Variants in GNPAT observed in about 807,000 individuals in gnomAD.
The protein encoded by GNPAT is glyceronephosphate O-acyltransferase, also known as dihydroxyacetone phosphate acyltransferase.
A neutral mutation model predicts 78.4 loss-of-function variants in GNPAT; 30 were observed. That is an observed-to-expected ratio of 0.38 (90% CI 0.29 to 0.52). The LOEUF is 0.52. GNPAT is among the 20% of genes least tolerant of loss of function. GNPAT has a pLI of 0.84. For synonymous variants in GNPAT, 271 were observed against 281.1 expected, an observed-to-expected ratio of 0.96 and a Z score of 0.36; for missense variants, 714 against 812.2, an observed-to-expected ratio of 0.88 and a Z score of 1.47.
At position 231,267,901 on chromosome 1, in the gene GNPAT, C is replaced by T; in HGVS notation, c.1277C>T (p.Pro426Leu). 6.3e-7 allele frequency: 1 copy of T among 1,576,138 alleles called. No individual in the cohort carries two copies. The highest frequency in any genetic ancestry group is 8.7e-7 in the Non-Finnish European group (1 of 1,145,384). The change falls in exon 9 of 16, where the codon CCT becomes CTT. Residue 426 changes from proline to leucine, a missense_variant and splice_region_variant. By Grantham distance (98) the Pro-to-Leu change is moderately conservative (BLOSUM62 -3). Transcript: ENST00000366647. Reference sequence around the variant, plus strand: ...GCATTTGGAGGGTTTCTCATTTGGCCTGGTATGTAGGTAGGACATATGTGT... The same window carrying T: ...GCATTTGGAGGGTTTCTCATTTGGCTTGGTATGTAGGTAGGACATATGTGT... ...TQAFGGFLIW[P>L]DNKPAEEVVP...
In GNPAT at chr1:231,276,157, G is replaced by T; in HGVS notation, c.1960G>T (p.Val654Leu). ...KKINNNCIFN[V>L]NEPATTKLEE... The stretch of plus-strand genomic sequence containing the variant: ...TAGAAATAATAACTGTATATTTAAT[G>T]TGAATGAACCTGCCACAACCAAATT... Residue 654 changes from valine (V) to leucine (L), a missense_variant, in exon 15 of 16, where the codon GTG becomes TTG. Coordinates refer to ENST00000366647, the MANE Select transcript of GNPAT (RefSeq NM_014236.4). The T allele has an allele frequency of 7.3e-7, 1 of 1,369,768 alleles. No homozygotes were observed. Among genetic ancestry groups the T allele is most frequent in the Non-Finnish European group, 1.0e-6 (1 of 959,840 alleles). The allele number at this position is 1,369,768 out of a possible 1,614,324, so 84.9% of individuals were successfully genotyped here. A position where few individuals can be genotyped will look rare whatever the true frequency, so the allele number is the denominator to read the frequency against.
intron 11 of GNPAT, among the ~76,000 whole-genome samples, chr1:231,272,755 G>A (rs1461742151): frequency 6.6e-6 from 1 of 152,146 alleles, no homozygotes; most frequent in East Asian, 1.9e-4. Context: ...CGGATCACGA[G>A]GTCAAGAGAT....
In GNPAT at chr1:231,266,136, G is replaced by A; in HGVS notation, c.895G>A (p.Gly299Arg). 1 of 1,613,124 alleles carries A rather than the reference G, an allele frequency of 6.2e-7. No homozygotes were observed. The highest frequency in any genetic ancestry group is 8.5e-7 in the Non-Finnish European group (1 of 1,179,280). Residue 299 changes from glycine (G) to arginine (R), a missense_variant, in exon 7 of 16, where the codon GGG (glycine) becomes AGG (arginine). By Grantham distance (125) the Gly-to-Arg change is moderately radical (BLOSUM62 -2). Transcript: ENST00000366647. ...AACTCTTTATGTGTATGAGCTTCTAGGGGTTCCTAAACCAAAAGAGTCTAC... is the reference window on the plus strand; with the variant it reads ...AACTCTTTATGTGTATGAGCTTCTAAGGGTTCCTAAACCAAAAGAGTCTAC... ...EETLYVYELL[G>R]VPKPKESTTG...
intron 13 of GNPAT, 26 bp from the exon 14 acceptor site, chr1:231,275,379 T>C: frequency 6.4e-7 from 1 of 1,566,486 alleles, no homozygotes; most frequent in Non-Finnish European, 8.8e-7. Flanking sequence ...ACTGGTCAAC[T>C]AACTCTTCCT....
intron 3 of GNPAT, among the ~76,000 whole-genome samples, chr1:231,261,601 G>T (rs568834008): frequency 3.3e-5 from 5 of 152,038 alleles, no homozygotes; most frequent in African/African-American, 1.2e-4. Flanking sequence ...TATAATTAAT[G>T]AATATCTTGT....
chr1:231,273,788 T>TAG, intron 11 of GNPAT, 134 bp from the exon 12 acceptor site: 2 of 725,620 alleles, frequency 2.8e-6, no homozygotes, highest in Admixed American at 2.1e-5. Context: ...GGTATTCTGT[T>TAG]GTCTGAGGGC....
intron 2 of GNPAT, among the ~76,000 whole-genome samples, chr1:231,253,987 A>G (rs942898220): frequency 1.3e-5 from 2 of 152,090 alleles, no homozygotes; most frequent in Non-Finnish European, 2.9e-5. Flanking sequence ...TAATTTTTGT[A>G]TTTTTAGTAG....
Position 231,272,903 on chromosome 1 carries a change from A to T in GNPAT, c.1602+512A>T, listed in dbSNP as rs185733846. Among the ~76,000 whole-genome samples, 248 of 152,236 alleles carry T rather than the reference A, an allele frequency of 1.6e-3. 1 individual carries two copies. Among genetic ancestry groups the T allele is most frequent in the African/African-American group, 5.7e-3 (237 of 41,540 alleles). On this transcript the variant is annotated intron_variant, in intron 11 of 15. Coordinates refer to ENST00000366647, the MANE Select transcript of GNPAT (RefSeq NM_014236.4). Reference sequence around the variant, plus strand: ...GGCAGGAGAATCACTTGAACCCGGGAGGTGGAGGTTGCTGTGAGCCAAGAT... The same window carrying T: ...GGCAGGAGAATCACTTGAACCCGGGTGGTGGAGGTTGCTGTGAGCCAAGAT...
intron 8 of GNPAT, 47 bp downstream of exon 8, chr1:231,266,454 C>A (rs374416003): frequency 2.3e-5 from 35 of 1,552,998 alleles, no homozygotes; most frequent in Non-Finnish European, 2.9e-5. Flanking sequence ...GGATTAAAAT[C>A]CAAAGGTGTG....
chr1:231,262,906 A>C (rs948891148), intron 4 of GNPAT, 54 bp downstream of exon 4: 3 of 1,355,938 alleles, frequency 2.2e-6, no homozygotes, highest in Non-Finnish European at 3.2e-6. Context: ...GTTCACTGGC[A>C]TATTCTAGCA....
chr1:231,277,919 G>T lies in GNPAT; in HGVS notation c.*377G>T. ...TCTGGATATTAAAAGAAAATGAAAAGGGCATATCTACGTTACTTGTAGCTT... is the reference window on the plus strand; with the variant it reads ...TCTGGATATTAAAAGAAAATGAAAATGGCATATCTACGTTACTTGTAGCTT... On this transcript the variant is annotated 3_prime_UTR_variant, in exon 16 of 16. Coordinates refer to ENST00000366647, the MANE Select transcript of GNPAT (RefSeq NM_014236.4). The T allele has an allele frequency of 5.8e-6, 1 of 173,486 alleles. No individual in the cohort carries two copies. The allele number at this position is 173,486 out of a possible 1,614,324, so 10.7% of individuals were successfully genotyped here.
At chr1:231,255,325 T>A (rs561450684) in intron 2 of GNPAT, among the ~76,000 whole-genome samples, 1 of 152,306 alleles carries the variant, frequency 6.6e-6, no homozygotes, top group South Asian at 2.1e-4. Flanking sequence ...TTTACTTCTC[T>A]CCCAGTTTAA....
chr1:231,247,198 A>G (rs1249790461), intron 1 of GNPAT, among the ~76,000 whole-genome samples: 1 of 152,110 alleles, frequency 6.6e-6, no homozygotes. Flanking sequence ...GACATCGGGT[A>G]AGGGCCAGAA....
At chr1:231,275,932 C>T (rs1203752659) in intron 14 of GNPAT, among the ~76,000 whole-genome samples, 1 of 152,158 alleles carries the variant, frequency 6.6e-6, no homozygotes, top group East Asian at 1.9e-4. Context: ...TAAACTCTGG[C>T]AGTCATGTCT....
chr1:231,263,322 AT>A (rs1685276035), intron 4 of GNPAT, among the ~76,000 whole-genome samples: 1 of 152,154 alleles, frequency 6.6e-6, no homozygotes, highest in African/African-American at 2.4e-5. Context: ...AGAACTCTTC[AT>A]CTTGCAAAAC....
In GNPAT at chr1:231,266,408, G is replaced by C; in HGVS notation, c.1055+1G>C. On this transcript the variant is annotated splice_donor_variant, in intron 8 of 15. Coordinates refer to ENST00000366647, the MANE Select transcript of GNPAT (RefSeq NM_014236.4). LOFTEE classifies it high-confidence loss of function. ...GGAGCTCATATAACTTGGTTCCAAG[G>C]TGTGACCTGTGTTTTAATAACTGTC... 1 of 1,613,332 alleles carries C rather than the reference G, an allele frequency of 6.2e-7. No individual in the cohort carries two copies. Among genetic ancestry groups the C allele is most frequent in the Non-Finnish European group, 8.5e-7 (1 of 1,179,278 alleles).
intron 9 of GNPAT, among the ~76,000 whole-genome samples, chr1:231,268,247 G>A (rs1351875916): frequency 2.6e-5 from 4 of 152,066 alleles, no homozygotes; most frequent in Non-Finnish European, 5.9e-5. Flanking sequence ...AGCTTGCAGT[G>A]AGCCGAGATT....
intron 3 of GNPAT, among the ~76,000 whole-genome samples, chr1:231,261,654 AT>A (rs1164956056): frequency 6.6e-6 from 1 of 152,174 alleles, no homozygotes; most frequent in Non-Finnish European, 1.5e-5. Context: ...GTTTTGCATC[AT>A]ACTTTACCCC....
At chr1:231,246,135 A>G (rs1157573002) in intron 1 of GNPAT, among the ~76,000 whole-genome samples, 1 of 152,138 alleles carries the variant, frequency 6.6e-6, no homozygotes, top group East Asian at 1.9e-4. Context: ...TGTATCCTGT[A>G]TAACTGTGTG....
Sources: gnomAD v4.1 joint callset for allele counts (sites outside exome capture counted in the v4.1 genomes callset) on GRCh38, gnomAD v4.1.1 for gene constraint, MANE v1.5 for transcripts, NCBI Gene and HGNC (gene_info 2026-07-23, HGNC 2026-07-21) for gene names.